ZMYND8: variants seen among roughly 807,000 people sequenced by gnomAD.
ZMYND8 encodes the protein MYND-type zinc finger-containing chromatin reader ZMYND8.
A neutral mutation model predicts 140.8 loss-of-function variants in ZMYND8; 37 were observed. The ratio of observed to expected loss-of-function variants is 0.26; its 90% CI spans 0.20 to 0.35. ZMYND8 has a LOEUF of 0.35. ZMYND8 is among the 10% of genes least tolerant of loss of function. ZMYND8 has a pLI of 1.00. For synonymous variants in ZMYND8, 592 were observed against 597.1 expected, an observed-to-expected ratio of 0.99 and a Z score of 0.12; for missense variants, 1,068 against 1,570.0, an observed-to-expected ratio of 0.68 and a Z score of 5.40.
chr20:47,327,178 G>A (rs1163225525), intron 2 of ZMYND8, among the ~76,000 whole-genome samples: 14 of 151,930 alleles, frequency 9.2e-5, no homozygotes, highest in African/African-American at 3.4e-4. Context: ...CACCACGCCT[G>A]GCTAATTTTG....
chr20:47,278,647 A>C (rs748024300), intron 10 of ZMYND8, among the ~76,000 whole-genome samples: 9 of 152,118 alleles, frequency 5.9e-5, no homozygotes, highest in Non-Finnish European at 1.0e-4. Flanking sequence ...ACAAACTAAA[A>C]CTAAACACCC....
At chr20:47,352,461 T>A (rs1467062746) in intron 1 of ZMYND8, 1 of 985,272 alleles carries the variant, frequency 1.0e-6, no homozygotes, top group African/African-American at 1.7e-5. Flanking sequence ...CATTCCCTTA[T>A]CCAATGCACA....
intron 12 of ZMYND8, among the ~76,000 whole-genome samples, chr20:47,259,803 G>A (rs754631775): frequency 5.1e-4 from 77 of 152,192 alleles, no homozygotes; most frequent in Middle Eastern, 6.8e-3. Context: ...GATGTTTAGC[G>A]CAACTCTGGC....
intron 21 of ZMYND8, among the ~76,000 whole-genome samples, chr20:47,217,496 G>T (rs1245600238): frequency 6.6e-6 from 1 of 152,112 alleles, no homozygotes; most frequent in East Asian, 1.9e-4. Context: ...TTCTCAGTAG[G>T]TGCTTCCGTC....
At chr20:47,301,155 CTTTT>C (rs74178720) in intron 3 of ZMYND8, among the ~76,000 whole-genome samples, 4 of 133,428 alleles carry the variant, frequency 3.0e-5, no homozygotes, top group African/African-American at 5.6e-5. Flanking sequence ...TTGCATAATT[CTTTT>C]TTTTTTTTTT....
At chr20:47,335,396 G>A (rs1345320280) in intron 2 of ZMYND8, among the ~76,000 whole-genome samples, 2 of 151,956 alleles carry the variant, frequency 1.3e-5, no homozygotes, top group African/African-American at 4.8e-5. Context: ...GTTGAAGGGG[G>A]CTTATTATCA....
At chr20:47,313,019 C>A (rs376579906) in intron 2 of ZMYND8, among the ~76,000 whole-genome samples, 5 of 152,186 alleles carry the variant, frequency 3.3e-5, no homozygotes, top group African/African-American at 1.2e-4. Context: ...GTGGGCTGTA[C>A]CCAAAGCACT....
At position 47,320,271 on chromosome 20, in the gene ZMYND8, G is replaced by C. The variant is rs939093788; in HGVS notation, c.86-10067C>G. ...CCAAGGTCCCCATCTGCCCTGGATG[G>C]TATCTCTAAAAGCCACCTAAAGAAG... On this transcript the variant is annotated intron_variant, in intron 2 of 22. Coordinates refer to ENST00000471951, the MANE Select transcript of ZMYND8 (RefSeq NM_001281775.3). The C allele has an allele frequency of 3.3e-5, 5 of 152,234 alleles. No individual in the cohort carries two copies. The South Asian group carries it at 1.0e-3, about 32-fold the overall frequency. The allele number at this position is 152,234 out of a possible 1,614,324, so 9.4% of individuals were successfully genotyped here.
intron 11 of ZMYND8, among the ~76,000 whole-genome samples, chr20:47,270,232 T>A (rs1253122115): frequency 6.8e-6 from 1 of 148,010 alleles, no homozygotes. Context: ...AGTGTGACCC[T>A]GTCTCTTAAA....
At chr20:47,225,606 G>T (rs754862998) in intron 18 of ZMYND8, among the ~76,000 whole-genome samples, 189 of 38,508 alleles carry the variant, frequency 4.9e-3, no homozygotes, top group African/African-American at 7.8e-3. Flanking sequence ...AGGAGGGGAT[G>T]GGAGGGGAAT....
chr20:47,223,229 G>T (rs1422938541), intron 19 of ZMYND8, among the ~76,000 whole-genome samples: 1 of 152,190 alleles, frequency 6.6e-6, no homozygotes, highest in African/African-American at 2.4e-5. Flanking sequence ...TTATAGGCTG[G>T]GCGTGGTGGC....
At chr20:47,259,496 G>A (rs1167726995) in intron 12 of ZMYND8, among the ~76,000 whole-genome samples, 3 of 152,152 alleles carry the variant, frequency 2.0e-5, no homozygotes, top group South Asian at 2.1e-4. Context: ...AAATGGCACT[G>A]TAGGACAAGA....
chr20:47,354,996 A>T (rs540653425), intron 1 of ZMYND8, among the ~76,000 whole-genome samples: 5 of 152,246 alleles, frequency 3.3e-5, no homozygotes, highest in African/African-American at 7.2e-5. Flanking sequence ...TGCACTATAC[A>T]TAAGTCCTAA....
chr20:47,309,856 G>A (rs923070495), intron 3 of ZMYND8, among the ~76,000 whole-genome samples, 200 bp downstream of exon 3: 2 of 151,748 alleles, frequency 1.3e-5, no homozygotes, highest in African/African-American at 2.4e-5. Context: ...CTCTGTCCCC[G>A]AAACAGATCT....
intron 14 of ZMYND8, among the ~76,000 whole-genome samples, chr20:47,241,017 C>T (rs567524900): frequency 2.0e-4 from 31 of 151,854 alleles, no homozygotes; most frequent in African/African-American, 7.2e-4. Context: ...GATTCTTGGC[C>T]GGGTGCAGTG....
intron 11 of ZMYND8, 92 bp from the exon 12 acceptor site, chr20:47,262,520 A>C: frequency 1.3e-6 from 2 of 1,537,116 alleles, no homozygotes; most frequent in African/African-American, 2.8e-5. Flanking sequence ...AGAGATTATG[A>C]AATTGTGTTT....
In ZMYND8 at chr20:47,290,247, T is replaced by C; in HGVS notation, c.688A>G (p.Thr230Ala). Residue 230 changes from threonine (T) to alanine (A), a missense_variant, in exon 7 of 23, where the codon ACA (threonine) becomes GCA (alanine). By Grantham distance (58) the Thr-to-Ala change is moderately conservative. Transcript: ENST00000471951. Reference protein sequence around the residue: ...KNAKKKMYGCTEAFLADAKWI... With the variant: ...KNAKKKMYGCAEAFLADAKWI... ...TTTGCATCAGCCAGGAAGGCTTCTG[T>C]GCAGCCATACATTTTCTTTTTCGCA... 6.2e-7 allele frequency: 1 copy of C among 1,613,626 alleles called. No individual in the cohort carries two copies. The highest frequency in any genetic ancestry group is 8.5e-7 in the Non-Finnish European group (1 of 1,179,828).
At chr20:47,223,982 C>CA (rs1299904823) in intron 19 of ZMYND8, among the ~76,000 whole-genome samples, 2 of 152,082 alleles carry the variant, frequency 1.3e-5, no homozygotes, top group Non-Finnish European at 2.9e-5. Context: ...TTTTACTTAA[C>CA]AAAGAAATTG....
chr20:47,210,429 A>AATTGTTTTTCTTTTTCTTTTTTTTTTT lies in ZMYND8; in HGVS notation c.*331_*332insAAAAAAAAAAAGAAAAAGAAAAACAAT, dbSNP rs2035079501. 7.3e-6 allele frequency: 1 copy of AATTGTTTTTCTTTTTCTTTTTTTTTTT among 137,896 alleles called. No individual in the cohort carries two copies. The highest frequency in any genetic ancestry group is 1.9e-4 in the East Asian group (1 of 5,296). 8.5% of individuals were successfully genotyped at this position (137,896 alleles called of 1,614,324 possible). A position where few individuals can be genotyped will look rare whatever the true frequency, so the allele number is the denominator to read the frequency against. On this transcript the variant is annotated 3_prime_UTR_variant, in exon 23 of 23. Transcript: ENST00000471951. Reference sequence around the variant, plus strand: ...GTTGGTTGCTTTTTTTTTTTTTTTTAAATCGTTTTTCTTTTTCTTTTTTTT... The same window carrying AATTGTTTTTCTTTTTCTTTTTTTTTTT: ...GTTGGTTGCTTTTTTTTTTTTTTTTAATTGTTTTTCTTTTTCTTTTTTTTTTTAATCGTTTTTCTTTTTCTTTTTTTT...
Sources: gnomAD v4.1 joint callset for allele counts (sites outside exome capture counted in the v4.1 genomes callset) on GRCh38, gnomAD v4.1.1 for gene constraint, MANE v1.5 for transcripts, NCBI Gene and HGNC (gene_info 2026-07-23, HGNC 2026-07-21) for gene names.